MLLT1: variants seen among roughly 807,000 people sequenced by gnomAD.
The protein encoded by MLLT1 is protein ENL.
In MLLT1, 11 loss-of-function variants were observed where a neutral mutation model predicts 55.1. The ratio of observed to expected loss-of-function variants is 0.20; its 90% CI spans 0.13 to 0.33. The LOEUF (loss-of-function observed/expected upper bound fraction) is 0.33. MLLT1 is among the 10% of genes least tolerant of loss of function. The probability of loss-of-function intolerance (pLI) is 1.00; values close to 1 mark genes in which losing one functional copy is unlikely to be tolerated. For synonymous variants in MLLT1, 323 were observed against 320.1 expected, an observed-to-expected ratio of 1.01 and a Z score of -0.10; for missense variants, 536 against 760.6, an observed-to-expected ratio of 0.70 and a Z score of 3.47.
At chr19:6,268,266 G>A (rs988192824) in intron 2 of MLLT1, among the ~76,000 whole-genome samples, 3 of 152,156 alleles carry the variant, frequency 2.0e-5, no homozygotes, top group African/African-American at 7.2e-5. Context: ...GACAACCAAC[G>A]CAAAAGCGAG....
At chr19:6,237,700 C>T (rs1386711058) in intron 3 of MLLT1, among the ~76,000 whole-genome samples, 3 of 144,118 alleles carry the variant, frequency 2.1e-5, no homozygotes, top group East Asian at 2.1e-4. Context: ...ACCCAGGAGG[C>T]GGAGCTTGCA....
At position 6,213,409 on chromosome 19, in the gene MLLT1, C is replaced by G; in HGVS notation, c.1480-1G>C. Reference sequence around the variant, plus strand: ...GCTCCACCAGCTCATCCGTGTAGGCCTGGGGAGGGGGGGCAGGTCTCAGCA... The same window carrying G: ...GCTCCACCAGCTCATCCGTGTAGGCGTGGGGAGGGGGGGCAGGTCTCAGCA... On this transcript the variant is annotated splice_acceptor_variant, in intron 10 of 11. Transcript: ENST00000252674. LOFTEE classifies it high-confidence loss of function. 6.2e-7 allele frequency: 1 copy of G among 1,611,084 alleles called. No homozygotes were observed. Among genetic ancestry groups the G allele is most frequent in the Non-Finnish European group, 8.5e-7 (1 of 1,179,770 alleles).
rs777783370 is a variant in MLLT1 at position 6,227,074 on chromosome 19, G to T, written c.449C>A (p.Thr150Lys). 4.4e-6 allele frequency: 7 copies of T among 1,602,990 alleles called. No homozygotes were observed. The South Asian group carries it at 4.5e-5, about 10-fold the overall frequency. ...GVMVMPEGAD[T>K]VSRPSPDYPM... ...GTAGTCGGGACTGGGCCTGGACACC[G>T]TGTCTGCTCCTTCGGGCATTACCAT... is the stretch of plus-strand genomic sequence containing the variant. The change falls in exon 5 of 12, where the codon ACG (threonine) becomes AAG (lysine). Residue 150 changes from threonine (T) to lysine (K), a missense_variant. Around this residue, in one of 3 missense-constraint regions of MLLT1, gnomAD observed 449 missense variants for 489.0 expected, o/e 0.92. Transcript: ENST00000252674. This position sits in a 1 kb window ranked among gnomAD's most constrained non-coding sequence, Gnocchi z 5.1.
chr19:6,236,504 CA>C (rs1253400792), intron 3 of MLLT1, among the ~76,000 whole-genome samples: 1 of 152,192 alleles, frequency 6.6e-6, no homozygotes, highest in Non-Finnish European at 1.5e-5. Context: ...GGCATGTTCA[CA>C]ACTGCAGAGA....
chr19:6,216,937 C>G (rs1413065426), intron 7 of MLLT1: 1 of 183,968 alleles, frequency 5.4e-6, no homozygotes, highest in Non-Finnish European at 1.1e-5. Context: ...TTCCTGCACC[C>G]TACGCCGGCC....
chr19:6,278,856 G>T (rs1262813212), intron 1 of MLLT1, among the ~76,000 whole-genome samples: 1 of 152,166 alleles, frequency 6.6e-6, no homozygotes, highest in Non-Finnish European at 1.5e-5. Context: ...GAGTGACCAG[G>T]GCCTGAAACT....
In MLLT1 at chr19:6,270,067, G is replaced by A. The variant is rs1202442597; in HGVS notation, c.193+512C>T. 7.2e-5 allele frequency among the ~76,000 whole-genome samples: 11 copies of A among 152,158 alleles called. No homozygotes were observed. Among genetic ancestry groups the A allele is most frequent in the Admixed American group, 7.2e-4 (11 of 15,272 alleles). On this transcript the variant is annotated intron_variant, in intron 2 of 11. Transcript: ENST00000252674. This position sits in a 1 kb window ranked among gnomAD's most constrained non-coding sequence, Gnocchi z 7.1. ...CACTGCACCCTCCAGGAAGGCCAGG[G>A]CCCCCACGCCACAGGTGGAGACGCT...
chr19:6,229,563 C>T lies in MLLT1; in HGVS notation c.420+1007G>A, dbSNP rs555109196. 1.1e-4 allele frequency among the ~76,000 whole-genome samples: 17 copies of T among 151,964 alleles called. No homozygotes were observed. Among genetic ancestry groups the T allele is most frequent in the South Asian group, 8.3e-4 (4 of 4,796 alleles). On this transcript the variant is annotated intron_variant, in intron 4 of 11. Transcript: ENST00000252674. This position sits in a 1 kb window ranked among gnomAD's most constrained non-coding sequence, Gnocchi z 5.2. Reference sequence around the variant, plus strand: ...ACATTCACATACTCCCCATAACACACGTCACACCATACGTGCGTGACACAC... The same window carrying T: ...ACATTCACATACTCCCCATAACACATGTCACACCATACGTGCGTGACACAC...
chr19:6,218,983 TG>T (rs1188945142), intron 6 of MLLT1, among the ~76,000 whole-genome samples: 4 of 152,126 alleles, frequency 2.6e-5, no homozygotes, highest in Non-Finnish European at 5.9e-5. Flanking sequence ...AGGAGGCAGC[TG>T]GTCTGCTGGA....
Position 6,235,404 on chromosome 19 carries a change from A to G in MLLT1, c.277-4691T>C, listed in dbSNP as rs753612119. Among the ~76,000 whole-genome samples the G allele has an allele frequency of 1.2e-4, 19 of 152,172 alleles. No homozygotes were observed. Among genetic ancestry groups the G allele is most frequent in the Non-Finnish European group, 1.3e-4 (9 of 68,002 alleles). Reference sequence around the variant, plus strand: ...GGATTCGCTGCAATGCCACAGCCACAGTGCTCAGCACCCTGCCTATCACCC... The same window carrying G: ...GGATTCGCTGCAATGCCACAGCCACGGTGCTCAGCACCCTGCCTATCACCC... On this transcript the variant is annotated intron_variant, in intron 3 of 11. Transcript: ENST00000252674. This position sits in a 1 kb window ranked among gnomAD's most constrained non-coding sequence, Gnocchi z 5.5.
rs879280360 is a variant in MLLT1, at chr19:6,273,882, G to C, written c.13-3123C>G. ...AGGGAGTTCCTACCCAGGGCACGCA[G>C]GCGGCAGAGCAGTTATTGTGAAAGA... On this transcript the variant is annotated intron_variant, in intron 1 of 11. Coordinates refer to ENST00000252674, the MANE Select transcript of MLLT1 (RefSeq NM_005934.4). The surrounding 1 kb of genome is among the most constrained non-coding windows in gnomAD (Gnocchi z 4.3). 8.5e-5 allele frequency among the ~76,000 whole-genome samples: 13 copies of C among 152,220 alleles called. No homozygotes were observed. The highest frequency in any genetic ancestry group is 1.8e-4 in the Non-Finnish European group (12 of 68,038).
At chr19:6,244,430 ACC>A (rs2091147809) in intron 3 of MLLT1, among the ~76,000 whole-genome samples, 1 of 150,222 alleles carries the variant, frequency 6.7e-6, no homozygotes, top group South Asian at 2.1e-4. Flanking sequence ...GATACCCACT[ACC>A]CTTTGACAGT....
chr19:6,222,940 C>T lies in MLLT1; in HGVS notation c.547-256G>A, dbSNP rs921728189. 1.3e-5 allele frequency among the ~76,000 whole-genome samples: 2 copies of T among 152,234 alleles called. No homozygotes were observed. Among genetic ancestry groups the T allele is most frequent in the Admixed American group, 6.5e-5 (1 of 15,284 alleles). Reference sequence around the variant, plus strand: ...AAGATTCCCCTCAGAATTGAACTGACATTCCCTGAGGGATTCAAGAAGAGC... The same window carrying T: ...AAGATTCCCCTCAGAATTGAACTGATATTCCCTGAGGGATTCAAGAAGAGC... On this transcript the variant is annotated intron_variant, in intron 5 of 11. Coordinates refer to ENST00000252674, the MANE Select transcript of MLLT1 (RefSeq NM_005934.4). This position sits in a 1 kb window ranked among gnomAD's most constrained non-coding sequence, Gnocchi z 4.1.
chr19:6,278,912 A>G (rs1350548052), intron 1 of MLLT1, among the ~76,000 whole-genome samples: 1 of 152,170 alleles, frequency 6.6e-6, no homozygotes, highest in African/African-American at 2.4e-5. Context: ...AGAAGTCTGA[A>G]AAAGCAAGTA....
At position 6,270,831 on chromosome 19, in the gene MLLT1, G is replaced by A. The variant is rs2091389569; in HGVS notation, c.13-72C>T. On this transcript the variant is annotated intron_variant, in intron 1 of 11. Coordinates refer to ENST00000252674, the MANE Select transcript of MLLT1 (RefSeq NM_005934.4). This position sits in a 1 kb window ranked among gnomAD's most constrained non-coding sequence, Gnocchi z 7.1. The stretch of plus-strand genomic sequence containing the variant: ...GCAGGGGACTGTCCCCTTACCCACA[G>A]AGAACTTTCGATAAAGACCCCCAGC... The A allele has an allele frequency of 1.4e-6, 2 of 1,435,798 alleles. No homozygotes were observed. Among genetic ancestry groups the A allele is most frequent in the Admixed American group, 2.2e-5 (1 of 44,908 alleles). 88.9% of individuals were successfully genotyped at this position (1,435,798 alleles called of 1,614,324 possible).
At chr19:6,241,395 C>G (rs911979879) in intron 3 of MLLT1, among the ~76,000 whole-genome samples, 2 of 149,746 alleles carry the variant, frequency 1.3e-5, no homozygotes, top group Non-Finnish European at 2.9e-5. Flanking sequence ...CAGATGCCTT[C>G]GTCCTGTACA....
chr19:6,223,172 C>A (rs1205217475), intron 5 of MLLT1, among the ~76,000 whole-genome samples: 2 of 152,168 alleles, frequency 1.3e-5, no homozygotes, highest in Non-Finnish European at 2.9e-5. Context: ...CGGTCACTCA[C>A]GGGCTTCCTT....
At chr19:6,247,114 G>C (rs1269043035) in intron 3 of MLLT1, among the ~76,000 whole-genome samples, 3 of 152,166 alleles carry the variant, frequency 2.0e-5, no homozygotes, top group South Asian at 2.1e-4. Context: ...GTGCTGGATG[G>C]AGTTGGCAGC....
At position 6,253,157 on chromosome 19, in the gene MLLT1, C is replaced by T. The variant is rs998434265; in HGVS notation, c.276+9071G>A. Among the ~76,000 whole-genome samples, 5 of 147,290 alleles carry T rather than the reference C, an allele frequency of 3.4e-5. No homozygotes were observed. In the South Asian group the frequency reaches 6.6e-4, roughly 19 times the overall value. ...GGGCACACCCGTAGTCCCAGCTACT[C>T]GGGAGGCTGAAGCAAGAGAATGGCA... On this transcript the variant is annotated intron_variant, in intron 3 of 11. Transcript: ENST00000252674.
Sources: gnomAD v4.1 joint callset for allele counts (sites outside exome capture counted in the v4.1 genomes callset) on GRCh38, gnomAD v4.1.1 for gene constraint, gnomAD v4.1.1 regional missense constraint, Gnocchi (gnomAD v3.1) non-coding constraint, MANE v1.5 for transcripts, NCBI Gene and HGNC (gene_info 2026-07-23, HGNC 2026-07-21) for gene names.